The following INTS9 variants were observed in gnomAD, a reference collection of about 807,000 sequenced individuals.
The protein encoded by INTS9 is protein related to CPSF subunits of 74 kDa.
INTS9 carries 55 observed loss-of-function variants against 79.7 expected under a neutral mutation model. The ratio of observed to expected loss-of-function variants is 0.69; its 90% confidence interval spans 0.56 to 0.86. INTS9 has a LOEUF of 0.86. Ranked by LOEUF, INTS9 falls within the 40% of genes least tolerant of loss-of-function variation. The pLI, the probability that INTS9 is intolerant of heterozygous loss-of-function variation, is 0.00. For missense variants in INTS9, 721 were observed against 831.5 expected, an observed-to-expected ratio of 0.87 and a Z score of 1.64; for synonymous variants, 319 against 325.2, an observed-to-expected ratio of 0.98 and a Z score of 0.20.
chr8:28,825,516 C>A (rs1209088306), intron 6 of INTS9, among the ~76,000 whole-genome samples: 1 of 152,214 alleles, frequency 6.6e-6, no homozygotes, highest in African/African-American at 2.4e-5. Context: ...GAACACCATA[C>A]CACGTGGGCT....
In INTS9 at chr8:28,849,578, G is replaced by C. The variant is rs369937455; in HGVS notation, c.198+635C>G. Among the ~76,000 whole-genome samples, 6 of 151,864 alleles carry C rather than the reference G, an allele frequency of 4.0e-5. No homozygotes were observed. In the South Asian group the frequency reaches 8.3e-4, roughly 21 times the overall value. On this transcript the variant is annotated intron_variant, in intron 3 of 16. Coordinates refer to ENST00000521022, the MANE Select transcript of INTS9 (RefSeq NM_018250.4). ...CGGGATCACAGATCATAGTGTCGGA[G>C]ACCCACTACTCAAATTTACCTAAGA...
At chr8:28,782,220 C>T (rs1803309444) in intron 11 of INTS9, among the ~76,000 whole-genome samples, 1 of 152,198 alleles carries the variant, frequency 6.6e-6, no homozygotes, top group Non-Finnish European at 1.5e-5. Context: ...CCTGCTTTAG[C>T]TGGACTCTTC....
chr8:28,776,251 T>G, intron 13 of INTS9: 3 of 212,952 alleles, frequency 1.4e-5, no homozygotes, highest in East Asian at 1.1e-4. Context: ...TTCTCTAACA[T>G]TCCCACATGC....
At chr8:28,850,888 T>C (rs1267880679) in intron 2 of INTS9, among the ~76,000 whole-genome samples, 3 of 152,230 alleles carry the variant, frequency 2.0e-5, no homozygotes, top group Non-Finnish European at 4.4e-5. Context: ...GTGAACAGCT[T>C]CTAGCAGATG....
intron 6 of INTS9, among the ~76,000 whole-genome samples, chr8:28,817,331 A>G (rs1425323113): frequency 1.3e-5 from 2 of 152,222 alleles, no homozygotes; most frequent in Admixed American, 6.5e-5. Flanking sequence ...TAATTTTTAT[A>G]TAAGGTGTAA....
At chr8:28,868,862 G>C (rs1808910359) in intron 1 of INTS9, among the ~76,000 whole-genome samples, 2 of 152,082 alleles carry the variant, frequency 1.3e-5, no homozygotes, top group African/African-American at 2.4e-5. Flanking sequence ...CAGCACTTTG[G>C]GAGGCCGAGA....
At chr8:28,812,585 C>T in intron 7 of INTS9, 124 bp from the exon 8 acceptor site, 1 of 1,104,088 alleles carries the variant, frequency 9.1e-7, no homozygotes, top group Non-Finnish European at 1.3e-6. Context: ...TAAAGTAAAC[C>T]AGAGACTGGG....
intron 8 of INTS9, among the ~76,000 whole-genome samples, chr8:28,803,643 TG>T (rs1435185798): frequency 1.3e-5 from 2 of 152,216 alleles, no homozygotes; most frequent in African/African-American, 4.8e-5. Context: ...ATATGTCATG[TG>T]GTAGAATCCA....
intron 4 of INTS9, among the ~76,000 whole-genome samples, chr8:28,839,325 T>C (rs1011394105): frequency 1.3e-4 from 20 of 151,920 alleles, no homozygotes; most frequent in African/African-American, 4.4e-4. Context: ...TCCATGCTCA[T>C]GGGTAGGAAG....
intron 2 of INTS9, among the ~76,000 whole-genome samples, chr8:28,858,665 G>A (rs190077289): frequency 6.6e-6 from 1 of 152,218 alleles, no homozygotes; most frequent in Admixed American, 6.5e-5. Context: ...GGTTCATCGG[G>A]TTATCACTGT....
chr8:28,776,891 C>T (rs946043935), intron 13 of INTS9, among the ~76,000 whole-genome samples: 5 of 152,194 alleles, frequency 3.3e-5, no homozygotes, highest in Non-Finnish European at 5.9e-5. Flanking sequence ...AAAAGCAACA[C>T]GCCTTTCACT....
At chr8:28,868,046 T>C (rs139226935) in intron 1 of INTS9, among the ~76,000 whole-genome samples, 1 of 152,298 alleles carries the variant, frequency 6.6e-6, no homozygotes, top group East Asian at 1.9e-4. Context: ...CAACACAGCA[T>C]ACACACCGTG....
chr8:28,854,775 T>A (rs1460348044), intron 2 of INTS9, among the ~76,000 whole-genome samples: 2 of 152,046 alleles, frequency 1.3e-5, no homozygotes, highest in African/African-American at 4.8e-5. Context: ...CCTGGGGACA[T>A]GAGGACTGAG....
chr8:28,850,662 G>C (rs1204745725), intron 2 of INTS9, among the ~76,000 whole-genome samples: 1 of 152,210 alleles, frequency 6.6e-6, no homozygotes, highest in African/African-American at 2.4e-5. Flanking sequence ...TGAAAAAACA[G>C]ATGCAGAGAG....
At chr8:28,848,686 T>G (rs528145188) in intron 3 of INTS9, among the ~76,000 whole-genome samples, 2 of 152,344 alleles carry the variant, frequency 1.3e-5, no homozygotes, top group East Asian at 3.9e-4. Flanking sequence ...ATGGGCTATG[T>G]AATCTTCTTC....
intron 9 of INTS9, among the ~76,000 whole-genome samples, chr8:28,794,468 G>A (rs1804087595): frequency 6.6e-6 from 1 of 152,106 alleles, no homozygotes; most frequent in Admixed American, 6.6e-5. Flanking sequence ...AAGTACTTAG[G>A]CTCACCTAGA....
intron 14 of INTS9, among the ~76,000 whole-genome samples, chr8:28,772,955 C>G (rs1448332216): frequency 6.6e-6 from 1 of 152,216 alleles, no homozygotes; most frequent in Non-Finnish European, 1.5e-5. Context: ...CTGTCTCCAG[C>G]TCTGCTGTGG....
At chr8:28,877,844 T>TGTTG (rs1809479715) in intron 1 of INTS9, among the ~76,000 whole-genome samples, 1 of 151,990 alleles carries the variant, frequency 6.6e-6, no homozygotes. Flanking sequence ...TGGGGGAGGG[T>TGTTG]GTTGGTGGTG....
chr8:28,775,390 GCAGTGGTGTGATCTCGGCTCA>G (rs1446139683), intron 14 of INTS9, among the ~76,000 whole-genome samples: 1 of 152,234 alleles, frequency 6.6e-6, no homozygotes, highest in Non-Finnish European at 1.5e-5. Flanking sequence ...AGGCTGGAGT[GCAGTGGTGTGATCTCGGCTCA>G]CTGCAACCTC....
Sources: allele counts gnomAD v4.1 joint callset (sites outside exome capture counted in the v4.1 genomes callset), GRCh38; gene constraint gnomAD v4.1.1; transcripts MANE v1.5; gene names NCBI Gene and HGNC (gene_info 2026-07-23, HGNC 2026-07-21).